Variants in MAP2K6 observed in about 807,000 individuals in gnomAD.
MAP2K6 encodes the protein mitogen-activated protein kinase kinase 6, also known as dual specificity mitogen-activated protein kinase kinase 6.
A neutral mutation model predicts 53.7 loss-of-function variants in MAP2K6; 16 were observed. The ratio of observed to expected loss-of-function variants is 0.30; its 90% CI spans 0.20 to 0.45. The LOEUF is 0.45. MAP2K6 is among the 20% of genes least tolerant of loss of function. The probability of loss-of-function intolerance (pLI) is 1.00; values close to 1 mark genes in which losing one functional copy is unlikely to be tolerated. For missense variants in MAP2K6, 204 were observed against 411.9 expected (o/e 0.50, Z 4.37); for synonymous variants, 132 against 143.1 (o/e 0.92, Z 0.55).
intron 11 of MAP2K6, among the ~76,000 whole-genome samples, chr17:69,536,473 T>A (rs147343880): frequency 3.9e-4 from 60 of 152,338 alleles, no homozygotes; most frequent in Non-Finnish European, 7.3e-4. Flanking sequence ...ATTACTAAGA[T>A]AAAATTAAGG....
chr17:69,432,626 A>G (rs1404657562), intron 1 of MAP2K6, among the ~76,000 whole-genome samples: 1 of 149,236 alleles, frequency 6.7e-6, no homozygotes, highest in African/African-American at 2.5e-5. Flanking sequence ...ACACAGGGAG[A>G]GGAAAAACAC....
In MAP2K6 at chr17:69,482,291, G is replaced by T. The variant is rs888492342; in HGVS notation, c.17-23489G>T. On this transcript the variant is annotated intron_variant, in intron 1 of 11. Coordinates refer to ENST00000590474, the MANE Select transcript of MAP2K6 (RefSeq NM_002758.4). ...TATTAACTATTTTCTGGCTTTTATG[G>T]TATGTGATTTATTATTTTTTTAAAC... 3.9e-5 allele frequency among the ~76,000 whole-genome samples: 6 copies of T among 152,092 alleles called. No homozygotes were observed. The South Asian group carries it at 1.2e-3, about 32-fold the overall frequency.
At chr17:69,479,192 C>T (rs968109436) in intron 1 of MAP2K6, among the ~76,000 whole-genome samples, 2 of 152,122 alleles carry the variant, frequency 1.3e-5, no homozygotes, top group Non-Finnish European at 2.9e-5. Flanking sequence ...AAAGAGATGA[C>T]TACAATAGCT....
intron 2 of MAP2K6, 74 bp downstream of exon 2, chr17:69,505,920 C>T: frequency 7.5e-7 from 1 of 1,329,922 alleles, no homozygotes; most frequent in East Asian, 2.3e-5. Context: ...TATTTTTGGA[C>T]TGCTGAGCAA....
intron 2 of MAP2K6, among the ~76,000 whole-genome samples, chr17:69,506,411 T>G (rs1397456591): frequency 7.0e-5 from 4 of 56,768 alleles, no homozygotes; most frequent in Admixed American, 2.0e-4. Flanking sequence ...CCTTCTTGTT[T>G]TTTTTTTTTT....
chr17:69,520,148 C>A (rs544631753), intron 5 of MAP2K6, 122 bp from the exon 6 acceptor site: 69 of 610,450 alleles, frequency 1.1e-4, no homozygotes, highest in Non-Finnish European at 1.9e-4. Context: ...CACTGTATTT[C>A]CCCCCAAAAT....
At chr17:69,528,538 C>T (rs1181529802) in intron 10 of MAP2K6, among the ~76,000 whole-genome samples, 1 of 151,820 alleles carries the variant, frequency 6.6e-6, no homozygotes, top group Non-Finnish European at 1.5e-5. Context: ...ATTGCCTTAT[C>T]CTCAGATGTT....
intron 4 of MAP2K6, among the ~76,000 whole-genome samples, chr17:69,518,116 G>A (rs1036091766): frequency 6.6e-6 from 1 of 152,158 alleles, no homozygotes; most frequent in African/African-American, 2.4e-5. Context: ...CTTGAACCCG[G>A]GAGGTGGAGG....
intron 2 of MAP2K6, among the ~76,000 whole-genome samples, chr17:69,506,300 AC>A (rs1160051141): frequency 1.1e-5 from 1 of 87,648 alleles, no homozygotes; most frequent in Non-Finnish European, 2.3e-5. Context: ...GTAAAGGAAC[AC>A]TTTTTTTTTA....
chr17:69,475,969 T>C (rs1193438693), intron 1 of MAP2K6, among the ~76,000 whole-genome samples: 1 of 152,184 alleles, frequency 6.6e-6, no homozygotes, highest in Non-Finnish European at 1.5e-5. Context: ...TGTAGTAGTA[T>C]GGATGAAGCA....
At chr17:69,484,671 C>T (rs1441015044) in intron 1 of MAP2K6, among the ~76,000 whole-genome samples, 3 of 151,824 alleles carry the variant, frequency 2.0e-5, no homozygotes, top group Non-Finnish European at 4.4e-5. Flanking sequence ...AAAGTGGAAA[C>T]AATACATATC....
intron 2 of MAP2K6, among the ~76,000 whole-genome samples, chr17:69,514,350 A>G (rs544356727): frequency 1.8e-4 from 28 of 152,280 alleles, no homozygotes; most frequent in African/African-American, 6.0e-4. Context: ...CAGAAACACA[A>G]GATATATAAA....
intron 1 of MAP2K6, among the ~76,000 whole-genome samples, chr17:69,458,019 C>A (rs1270280175): frequency 1.3e-5 from 2 of 151,968 alleles, no homozygotes; most frequent in Non-Finnish European, 2.9e-5. Flanking sequence ...ATTGCAACTG[C>A]CTTTCTTCCT....
At position 69,550,807 on chromosome 17, in the gene MAP2K6, T is replaced by A. The variant is rs1446542162; in HGVS notation, c.*9054T>A. 1 of 152,200 alleles carries A rather than the reference T, an allele frequency of 6.6e-6. No homozygotes were observed. Among genetic ancestry groups the A allele is most frequent in the Non-Finnish European group, 1.5e-5 (1 of 68,030 alleles). 9.4% of individuals were successfully genotyped at this position (152,200 alleles called of 1,614,324 possible). A position where few individuals can be genotyped will look rare whatever the true frequency, so the allele number is the denominator to read the frequency against. On this transcript the variant is annotated 3_prime_UTR_variant, in exon 12 of 12. Transcript: ENST00000590474. The stretch of plus-strand genomic sequence containing the variant: ...TGTTCCTTTTAACTGGAAGTCTCTG[T>A]GGCCATTAAAAACTTGGGAACGTTG...
chr17:69,419,732 G>C (rs2145124924), intron 1 of MAP2K6, among the ~76,000 whole-genome samples: 1 of 152,158 alleles, frequency 6.6e-6, no homozygotes, highest in East Asian at 1.9e-4. Flanking sequence ...TTCAAGACCA[G>C]CCTGGCCAAC....
chr17:69,516,811 A>T, intron 2 of MAP2K6, 44 bp from the exon 3 acceptor site: 2 of 1,405,640 alleles, frequency 1.4e-6, no homozygotes, highest in African/African-American at 1.4e-5. Context: ...GACATAATTG[A>T]CTCAATAGCT....
intron 1 of MAP2K6, chr17:69,485,397 T>G: frequency 2.6e-6 from 2 of 774,790 alleles, no homozygotes; most frequent in South Asian, 5.8e-5. Flanking sequence ...AATTCAGCCT[T>G]GCAGAGTTGT....
intron 1 of MAP2K6, among the ~76,000 whole-genome samples, chr17:69,416,347 G>C (rs1273491948): frequency 6.6e-6 from 1 of 152,296 alleles, no homozygotes; most frequent in South Asian, 2.1e-4. Flanking sequence ...AATCTGAAAA[G>C]TTAAGAGTGC....
intron 1 of MAP2K6, among the ~76,000 whole-genome samples, chr17:69,432,501 C>T (rs1038084517): frequency 3.9e-5 from 6 of 152,140 alleles, no homozygotes; most frequent in South Asian, 2.1e-4. Context: ...ATGTCCTTTG[C>T]AGGGACATGA....
Sources: gnomAD v4.1 joint callset for allele counts (sites outside exome capture counted in the v4.1 genomes callset) on GRCh38, gnomAD v4.1.1 for gene constraint, MANE v1.5 for transcripts, NCBI Gene and HGNC (gene_info 2026-07-23, HGNC 2026-07-21) for gene names.